The following AXIN2 variants were observed in gnomAD, a reference collection of about 807,000 sequenced individuals.
AXIN2 encodes the protein axin-2.
A neutral mutation model predicts 74.7 loss-of-function variants in AXIN2; 21 were observed. The ratio of observed to expected loss-of-function variants is 0.28; its 90% confidence interval spans 0.20 to 0.40. The LOEUF is 0.40. Among genes scored for constraint, AXIN2 ranks in the 10% least tolerant of loss-of-function variants. AXIN2 has a pLI of 1.00. For synonymous variants in AXIN2, 532 were observed against 454.9 expected (o/e 1.17, Z -2.16); for missense variants, 1,144 against 1,111.1 (o/e 1.03, Z -0.42).
chr17:65,554,003 CAGACCTGGTTTGCAACCTCAGTAAGCAA>C (rs1383437503), intron 2 of AXIN2, among the ~76,000 whole-genome samples: 2 of 152,214 alleles, frequency 1.3e-5, no homozygotes, highest in Admixed American at 6.5e-5. Context: ...CTCACATCCA[CAGACCTGGTTTGCAACCTCAGTAAGCAA>C]AGGGTTTTCA....
rs72856679 is a variant in AXIN2, at chr17:65,554,267, C to T, written c.815+3539G>A. 5.5e-3 allele frequency among the ~76,000 whole-genome samples: 844 copies of T among 152,284 alleles called. 5 individuals carry two copies. The highest frequency in any genetic ancestry group is 0.024 in the Middle Eastern group (7 of 294). The stretch of plus-strand genomic sequence containing the variant: ...CCTCTTCCTCTTCCTCCTCCTCCTC[C>T]TCACGTTCCCTTCTCAAAACAATGC... On this transcript the variant is annotated intron_variant, in intron 2 of 10. Coordinates refer to ENST00000307078, the MANE Select transcript of AXIN2 (RefSeq NM_004655.4).
rs751548566 is a variant in AXIN2, at chr17:65,537,068, G to T, written c.1713-5C>A. On this transcript the variant is annotated splice_region_variant and splice_polypyrimidine_tract_variant and intron_variant, in intron 6 of 10. Transcript: ENST00000307078. ...AAGGTACTGCCTCTGCTGCCGCTGT[G>T]GGGAACCAAGAACCACACCCAACCC... 1 of 1,601,166 alleles carries T rather than the reference G, an allele frequency of 6.2e-7. No homozygotes were observed. Among genetic ancestry groups the T allele is most frequent in the Middle Eastern group, 1.7e-4 (1 of 5,848 alleles).
intron 3 of AXIN2, among the ~76,000 whole-genome samples, chr17:65,548,700 C>T (rs2044149919): frequency 6.6e-6 from 1 of 152,224 alleles, no homozygotes; most frequent in Non-Finnish European, 1.5e-5. Context: ...CACAGCTACA[C>T]ATCCCTCCTC....
intron 5 of AXIN2, 94 bp downstream of exon 5, chr17:65,538,109 T>TGCGCACAC: frequency 6.3e-7 from 1 of 1,593,458 alleles, no homozygotes; most frequent in African/African-American, 1.4e-5. Context: ...CCCACGCACA[T>TGCGCACAC]GCGCACACCC....
rs2144462166 is a variant in AXIN2, at chr17:65,537,574, G to A, written c.1462C>T (p.Pro488Ser). Residue 488 changes from proline to serine, a missense_variant, in exon 6 of 11, where the codon CCT becomes TCT. This residue lies in a region of AXIN2 where 1,053 missense variants were observed against 973.5 expected (regional missense o/e 1.08). Transcript: ENST00000307078. ...HSLLPPGGKL[P>S]PAAASPGACP... is the part of the protein sequence containing the mutation. The stretch of plus-strand genomic sequence containing the variant: ...GCGCCCGGCGAGGCGGCCGCGGGAG[G>A]CAGCTTGCCACCGGGCGGGAGCAGG... 1 of 1,610,074 alleles carries A rather than the reference G, an allele frequency of 6.2e-7. No individual in the cohort carries two copies. The highest frequency in any genetic ancestry group is 2.2e-5 in the East Asian group (1 of 44,698).
chr17:65,556,966 C>T (rs2044275980), intron 2 of AXIN2, among the ~76,000 whole-genome samples: 1 of 152,176 alleles, frequency 6.6e-6, no homozygotes, highest in Non-Finnish European at 1.5e-5. Context: ...CTCATTCTAA[C>T]AAGAGGTCTG....
At chr17:65,531,945 G>A (rs1421366049) in intron 10 of AXIN2, among the ~76,000 whole-genome samples, 3 of 151,994 alleles carry the variant, frequency 2.0e-5, no homozygotes, top group African/African-American at 7.3e-5. Flanking sequence ...TTTTTTGAAG[G>A]GGGGATGTAT....
At chr17:65,556,939 G>A (rs927209721) in intron 2 of AXIN2, among the ~76,000 whole-genome samples, 6 of 152,160 alleles carry the variant, frequency 3.9e-5, no homozygotes, top group African/African-American at 2.4e-5. Flanking sequence ...TCGGGAGGAG[G>A]GGAGAAAACA....
chr17:65,534,651 G>A (rs148032783), intron 9 of AXIN2, among the ~76,000 whole-genome samples: 1,758 of 152,246 alleles, frequency 0.012, 38 homozygotes, highest in African/African-American at 0.039. Flanking sequence ...CTGCTAGGCC[G>A]GGCGTGGTGG....
At chr17:65,537,928 A>T in intron 5 of AXIN2, 93 bp from the exon 6 acceptor site, 1 of 1,460,672 alleles carries the variant, frequency 6.8e-7, no homozygotes, top group Non-Finnish European at 9.2e-7. Flanking sequence ...ACGCAGGAGC[A>T]CGCACACCCG....
chr17:65,531,033 G>A (rs1426072210), intron 10 of AXIN2, among the ~76,000 whole-genome samples: 1 of 152,128 alleles, frequency 6.6e-6, no homozygotes, highest in African/African-American at 2.4e-5. Context: ...CCCAGCCAAG[G>A]GAGACCCCTC....
At position 65,537,387 on chromosome 17, in the gene AXIN2, T is replaced by C. The variant is rs1567755448; in HGVS notation, c.1649A>G (p.Tyr550Cys). Residue 550 changes from tyrosine to cysteine, a missense_variant, in exon 6 of 11, where the codon TAC (tyrosine) becomes TGC (cysteine). Transcript: ENST00000307078. ...GTGGCTTTTGCATTTCGAGTAGCAGTAATACTCGCTGCCCCCAGGGCAGAA... is the reference window on the plus strand; with the variant it reads ...GTGGCTTTTGCATTTCGAGTAGCAGCAATACTCGCTGCCCCCAGGGCAGAA... ...HCFCPGGSEY[Y>C]CYSKCKSHSK... 6.2e-7 allele frequency: 1 copy of C among 1,613,860 alleles called. No homozygotes were observed.
In AXIN2 at chr17:65,552,330, T is replaced by C. The variant is rs118075258; in HGVS notation, c.816-2670A>G. 7.0e-3 allele frequency among the ~76,000 whole-genome samples: 1,063 copies of C among 152,270 alleles called. 7 individuals are homozygous for C. Among genetic ancestry groups the C allele is most frequent in the Middle Eastern group, 0.02 (6 of 294 alleles). Reference sequence around the variant, plus strand: ...AAATGGTCAGAGGAAATCCATAAAGTAGGTGGGGACAGGCTGTGAAATCAC... The same window carrying C: ...AAATGGTCAGAGGAAATCCATAAAGCAGGTGGGGACAGGCTGTGAAATCAC... On this transcript the variant is annotated intron_variant, in intron 2 of 10. Transcript: ENST00000307078.
In AXIN2 at chr17:65,558,521, G is replaced by T; in HGVS notation, c.100C>A (p.Pro34Thr). ...PPVPGEEGET[P>T]PCQPGVGKGQ... ...TTGCCCACCCCTGGCTGACACGGTG[G>T]GGTCTCCCCTTCTTCCCCTGGCACT... Residue 34 changes from proline (P) to threonine (T), a missense_variant, in exon 2 of 11, where the codon CCA becomes ACA. Physicochemically the swap from Pro to Thr is conservative, Grantham distance 38. Around this residue, in one of 4 missense-constraint regions of AXIN2, gnomAD observed 1,053 missense variants for 973.5 expected, o/e 1.08. Transcript: ENST00000307078. 6.2e-7 allele frequency: 1 copy of T among 1,613,814 alleles called. No homozygotes were observed. The highest frequency in any genetic ancestry group is 8.5e-7 in the Non-Finnish European group (1 of 1,179,880).
At chr17:65,548,567 A>G (rs983991657) in intron 3 of AXIN2, among the ~76,000 whole-genome samples, 1 of 152,228 alleles carries the variant, frequency 6.6e-6, no homozygotes, top group African/African-American at 2.4e-5. Context: ...GGAACAATGA[A>G]TCTCAACCGG....
chr17:65,544,240 CCT>C (rs2044084446), intron 3 of AXIN2, among the ~76,000 whole-genome samples: 1 of 151,762 alleles, frequency 6.6e-6, no homozygotes, highest in Admixed American at 6.6e-5. Flanking sequence ...AGCTTTTATG[CCT>C]CTTTTTCTTC....
At chr17:65,558,832 AG>A (rs2044317889) in intron 1 of AXIN2, 96 bp from the exon 2 acceptor site, 1 of 601,254 alleles carries the variant, frequency 1.7e-6, no homozygotes, top group Admixed American at 2.8e-5. Flanking sequence ...GAAAGTAAAC[AG>A]GCTTTTCAAC....
chr17:65,540,898 T>C (rs891073899), intron 4 of AXIN2, among the ~76,000 whole-genome samples: 1 of 152,166 alleles, frequency 6.6e-6, no homozygotes, highest in African/African-American at 2.4e-5. Context: ...GTTTTTTCTT[T>C]TGAGAAGGAG....
chr17:65,534,180 C>CA, intron 9 of AXIN2, 101 bp from the exon 10 acceptor site: 4 of 1,421,658 alleles, frequency 2.8e-6, no homozygotes, highest in Non-Finnish European at 4.0e-6. Context: ...ACAGGGTATC[C>CA]AAACACTAGG....
Sources: allele counts gnomAD v4.1 joint callset (sites outside exome capture counted in the v4.1 genomes callset), GRCh38; gene constraint gnomAD v4.1.1; regional missense constraint gnomAD v4.1.1; transcripts MANE v1.5; gene names NCBI Gene and HGNC (gene_info 2026-07-23, HGNC 2026-07-21).